PSMB1: variants seen among roughly 807,000 people sequenced by gnomAD.
The protein encoded by PSMB1 is proteasome subunit beta type-1.
PSMB1 carries 7 observed loss-of-function variants against 25.4 expected under a neutral mutation model. The observed-to-expected ratio is 0.28, with a 90% confidence interval of 0.16 to 0.52. The LOEUF (loss-of-function observed/expected upper bound fraction) is 0.52, where lower values mean the gene tolerates loss of function less well. Among genes scored for constraint, PSMB1 ranks in the 20% least tolerant of loss-of-function variants. The probability of loss-of-function intolerance (pLI) is 0.97; values close to 1 mark genes in which losing one functional copy is unlikely to be tolerated. For synonymous variants in PSMB1, 119 were observed against 115.0 expected (o/e 1.03, Z -0.22); for missense variants, 284 against 302.2 (o/e 0.94, Z 0.45).
In PSMB1 at chr6:170,553,252, G is replaced by A; in HGVS notation, c.-10C>T. 3.8e-6 allele frequency: 6 copies of A among 1,588,894 alleles called. No homozygotes were observed. The highest frequency in any genetic ancestry group is 2.6e-6 in the Non-Finnish European group (3 of 1,161,272). ...CTGTAGAGGACAACATCGCACGGCT[G>A]CGCCTGCGGATCCGACACTTGCTGT... On this transcript the variant is annotated 5_prime_UTR_variant, in exon 1 of 6. Transcript: ENST00000262193.
intron 1 of PSMB1, 50 bp downstream of exon 1, chr6:170,553,080 C>A: frequency 6.7e-7 from 1 of 1,482,854 alleles, no homozygotes; most frequent in Non-Finnish European, 9.2e-7. Context: ...TAGGCTTCAG[C>A]AGATGGGGGA....
intron 4 of PSMB1, among the ~76,000 whole-genome samples, chr6:170,542,334 C>T (rs1778767154): frequency 6.6e-6 from 1 of 152,006 alleles, no homozygotes; most frequent in African/African-American, 2.4e-5. Flanking sequence ...TGAAATGAAG[C>T]TTGACCCTTT....
intron 4 of PSMB1, among the ~76,000 whole-genome samples, chr6:170,542,599 T>C (rs1032367593): frequency 1.1e-4 from 17 of 152,114 alleles, no homozygotes; most frequent in African/African-American, 4.1e-4. Context: ...CCTTCAACAC[T>C]CAAATCAACT....
intron 2 of PSMB1, 23 bp downstream of exon 2, chr6:170,548,983 T>G: frequency 1.3e-6 from 2 of 1,489,792 alleles, no homozygotes; most frequent in Non-Finnish European, 1.9e-6. Context: ...CATTGTGAAA[T>G]GTCTTTAGAA....
intron 1 of PSMB1, chr6:170,549,449 G>C (rs1266411562): frequency 4.6e-6 from 1 of 216,522 alleles, no homozygotes; most frequent in African/African-American, 2.3e-5. Context: ...TGCCCTTGAG[G>C]ATCAGGTATA....
Position 170,549,239 on chromosome 6 carries a change from G to C in PSMB1, c.114-126C>G, listed in dbSNP as rs570310960. On this transcript the variant is annotated intron_variant, in intron 1 of 5. Transcript: ENST00000262193. ...GTCAACAAAAACATGATTCAAATGG[G>C]AAGAGGAAAGATGAGCGGGAAGAGA... The C allele has an allele frequency of 4.6e-5, 24 of 521,312 alleles. No individual in the cohort carries two copies. The South Asian group carries it at 7.6e-4, about 17-fold the overall frequency. The allele number at this position is 521,312 out of a possible 1,614,324, so 32.3% of individuals were successfully genotyped here.
At chr6:170,548,397 T>C (rs1316711813) in intron 2 of PSMB1, among the ~76,000 whole-genome samples, 1 of 152,226 alleles carries the variant, frequency 6.6e-6, no homozygotes, top group African/African-American at 2.4e-5. Flanking sequence ...TTTTGTTTTT[T>C]TAAGTTTTGG....
chr6:170,536,077 G>A (rs143726518), intron 5 of PSMB1, among the ~76,000 whole-genome samples: 11 of 152,280 alleles, frequency 7.2e-5, no homozygotes, highest in African/African-American at 1.2e-4. Flanking sequence ...AAAGAGGGAC[G>A]AATTAGAAAT....
At chr6:170,552,415 G>T (rs1778916895) in intron 1 of PSMB1, among the ~76,000 whole-genome samples, 1 of 152,028 alleles carries the variant, frequency 6.6e-6, no homozygotes, top group Non-Finnish European at 1.5e-5. Context: ...GATAAAGCTG[G>T]TAATTAAAAT....
At chr6:170,537,750 G>C (rs971625921) in intron 4 of PSMB1, among the ~76,000 whole-genome samples, 3 of 152,216 alleles carry the variant, frequency 2.0e-5, no homozygotes, top group Non-Finnish European at 4.4e-5. Context: ...GAAGCCATGA[G>C]AATACACAAA....
rs759741619 is a variant in PSMB1, at chr6:170,553,276, G to T, written c.-34C>A. 3.3e-6 allele frequency: 5 copies of T among 1,515,914 alleles called. No homozygotes were observed. The Admixed American group carries it at 5.4e-5, about 16-fold the overall frequency. 93.9% of individuals were successfully genotyped at this position (1,515,914 alleles called of 1,614,324 possible). ...TGCGCCTGCGGATCCGACACTTGCT[G>T]TCTCACGGCGAGATGGCTGCCTTGA... On this transcript the variant is annotated 5_prime_UTR_variant, in exon 1 of 6. Coordinates refer to ENST00000262193, the MANE Select transcript of PSMB1 (RefSeq NM_002793.4).
intron 1 of PSMB1, 80 bp from the exon 2 acceptor site, chr6:170,549,193 AT>A: frequency 1.4e-6 from 1 of 717,494 alleles, no homozygotes; most frequent in South Asian, 1.8e-5. Flanking sequence ...ATAGTACATA[AT>A]GGGATAAAAT....
Position 170,546,099 on chromosome 6 carries a change from C to G in PSMB1, c.303+4G>C, listed in dbSNP as rs748474727. ...ATAGTGTAGAAATGTACAAAAGCAT[C>G]TACCTTTAGTCTTGCTTCAATAATC... On this transcript the variant is annotated splice_donor_region_variant and intron_variant, in intron 3 of 5. Transcript: ENST00000262193. 32 of 1,609,030 alleles carry G rather than the reference C, an allele frequency of 2.0e-5. No individual in the cohort carries two copies. Among genetic ancestry groups the G allele is most frequent in the African/African-American group, 4.0e-5 (3 of 74,794 alleles).
intron 3 of PSMB1, among the ~76,000 whole-genome samples, chr6:170,545,581 G>C (rs1205563491): frequency 6.6e-6 from 1 of 152,194 alleles, no homozygotes; most frequent in African/African-American, 2.4e-5. Context: ...CTGGCAGCTG[G>C]CTATCAACTG....
intron 4 of PSMB1, among the ~76,000 whole-genome samples, chr6:170,542,501 C>T (rs563497791): frequency 3.9e-5 from 6 of 152,304 alleles, no homozygotes; most frequent in African/African-American, 1.4e-4. Context: ...CAGGCGCTGA[C>T]AATGTTGTTT....
chr6:170,544,350 C>T (rs1038794327), intron 3 of PSMB1, among the ~76,000 whole-genome samples: 2 of 152,126 alleles, frequency 1.3e-5, no homozygotes, highest in East Asian at 1.9e-4. Flanking sequence ...CAGCAGTGGT[C>T]GTGATCCTTA....
chr6:170,536,360 T>C (rs1238058551), intron 5 of PSMB1: 1 of 447,252 alleles, frequency 2.2e-6, no homozygotes, highest in Non-Finnish European at 4.5e-6. Flanking sequence ...TTCTCCTTTG[T>C]TTTTCATTGT....
intron 2 of PSMB1, among the ~76,000 whole-genome samples, chr6:170,546,553 C>T (rs1778820991): frequency 6.6e-6 from 1 of 152,162 alleles, no homozygotes; most frequent in South Asian, 2.1e-4. Flanking sequence ...GCAACTTCCG[C>T]CTCCTGGGTT....
At chr6:170,539,867 G>T (rs1562351445) in intron 4 of PSMB1, among the ~76,000 whole-genome samples, 1 of 152,112 alleles carries the variant, frequency 6.6e-6, no homozygotes, top group Non-Finnish European at 1.5e-5. Context: ...ATGATGCTAT[G>T]TATTACAGCA....
Sources: gnomAD v4.1 joint callset for allele counts (sites outside exome capture counted in the v4.1 genomes callset) on GRCh38, gnomAD v4.1.1 for gene constraint, MANE v1.5 for transcripts, NCBI Gene and HGNC (gene_info 2026-07-23, HGNC 2026-07-21) for gene names.